PKNOX2: variants seen among roughly 807,000 people sequenced by gnomAD.
PKNOX2 encodes PBX/knotted 1 homeobox 2.
In PKNOX2, 14 loss-of-function variants were observed where a neutral mutation model predicts 53.1. That is an observed-to-expected ratio of 0.26 (90% CI 0.17 to 0.41). The LOEUF is 0.41. Among genes scored for constraint, PKNOX2 ranks in the 10% least tolerant of loss-of-function variants. The pLI is 1.00. For missense variants in PKNOX2, 496 were observed against 602.8 expected (o/e 0.82, Z 1.85); for synonymous variants, 257 against 242.8 (o/e 1.06, Z -0.54).
intron 6 of PKNOX2, among the ~76,000 whole-genome samples, chr11:125,387,002 A>C (rs985142431): frequency 6.6e-6 from 1 of 152,088 alleles, no homozygotes; most frequent in African/African-American, 2.4e-5. Flanking sequence ...GAGAGCCCCA[A>C]AGCCACCTTT....
chr11:125,406,026 C>A (rs1955071986), intron 7 of PKNOX2, among the ~76,000 whole-genome samples: 1 of 152,194 alleles, frequency 6.6e-6, no homozygotes, highest in Non-Finnish European at 1.5e-5. Context: ...AGAACCGTAC[C>A]AAACACTCTT....
At chr11:125,279,220 G>A (rs891816610) in intron 2 of PKNOX2, among the ~76,000 whole-genome samples, 3 of 152,148 alleles carry the variant, frequency 2.0e-5, no homozygotes, top group Admixed American at 6.5e-5. Flanking sequence ...CCTGTGAACC[G>A]CAGTGAGCAA....
At chr11:125,320,019 T>C (rs1413311089) in intron 2 of PKNOX2, among the ~76,000 whole-genome samples, 1 of 152,200 alleles carries the variant, frequency 6.6e-6, no homozygotes, top group Non-Finnish European at 1.5e-5. Context: ...GACCATGTAA[T>C]AGAGTATTTG....
chr11:125,349,837 TCACACACACACACACACACACACACA>T (rs60332384), intron 3 of PKNOX2, among the ~76,000 whole-genome samples: 2 of 138,040 alleles, frequency 1.4e-5, no homozygotes, highest in Admixed American at 1.4e-4. Flanking sequence ...ACCAAAAGAA[TCACACACACACACACACACACACACA>T]CACACACACA....
chr11:125,274,444 C>A (rs1946025383), intron 2 of PKNOX2, among the ~76,000 whole-genome samples: 1 of 152,196 alleles, frequency 6.6e-6, no homozygotes, highest in Non-Finnish European at 1.5e-5. Flanking sequence ...GCGGTGCCAG[C>A]CCCTGTGCAG....
At chr11:125,172,820 G>A (rs541505456) in intron 1 of PKNOX2, among the ~76,000 whole-genome samples, 5 of 152,302 alleles carry the variant, frequency 3.3e-5, no homozygotes, top group African/African-American at 4.8e-5. Flanking sequence ...CTGTGGTATA[G>A]AGTCTTAAGG....
rs190814846 is a variant in PKNOX2 at position 125,166,833 on chromosome 11, C to A, written c.-201+2057C>A. On this transcript the variant is annotated intron_variant, in intron 1 of 12. Coordinates refer to ENST00000298282, the MANE Select transcript of PKNOX2 (RefSeq NM_001382323.2). This position sits in a 1 kb window ranked among gnomAD's most constrained non-coding sequence, Gnocchi z 4.0. The stretch of plus-strand genomic sequence containing the variant: ...TGTCATCTCTCCTGTCCGGAGACTT[C>A]AGGATATTAGCTTTTCGGGTTTCAA... Among the ~76,000 whole-genome samples the A allele has an allele frequency of 2.0e-4, 31 of 152,268 alleles. No homozygotes were observed. The highest frequency in any genetic ancestry group is 7.5e-4 in the African/African-American group (31 of 41,544).
At chr11:125,430,440 C>T (rs1478368327) in intron 12 of PKNOX2, among the ~76,000 whole-genome samples, 1 of 152,204 alleles carries the variant, frequency 6.6e-6, no homozygotes, top group African/African-American at 2.4e-5. Flanking sequence ...CAGTAAGTAT[C>T]TGCACAGCTC....
intron 3 of PKNOX2, among the ~76,000 whole-genome samples, chr11:125,349,380 G>A (rs546847569): frequency 1.3e-5 from 2 of 152,062 alleles, no homozygotes; most frequent in South Asian, 2.1e-4. Context: ...CCCCTCCTGC[G>A]TCCCTTTGCA....
chr11:125,197,108 G>A (rs879704942), intron 1 of PKNOX2, among the ~76,000 whole-genome samples: 7 of 152,170 alleles, frequency 4.6e-5, no homozygotes, highest in African/African-American at 1.2e-4. Flanking sequence ...TGTTGGAGTC[G>A]GCCCCAGCCG....
intron 3 of PKNOX2, among the ~76,000 whole-genome samples, chr11:125,332,992 C>T (rs1236705279): frequency 3.9e-5 from 6 of 152,242 alleles, no homozygotes; most frequent in East Asian, 3.9e-4. Flanking sequence ...TGGCTCCTCG[C>T]GGTGGAAGCT....
rs1211260881 is a variant in PKNOX2, at chr11:125,331,844, GA to G, written c.-101del. The G allele has an allele frequency of 1.3e-5, 2 of 152,302 alleles. No individual in the cohort carries two copies. The highest frequency in any genetic ancestry group is 2.9e-5 in the Non-Finnish European group (2 of 68,106). The allele number at this position is 152,302 out of a possible 1,614,324, so 9.4% of individuals were successfully genotyped here. A position where few individuals can be genotyped will look rare whatever the true frequency, so the allele number is the denominator to read the frequency against. ...GTGCTTTGGCTCTAGCAGACAGGAA[GA>G]AATTCTGGCCCAGCTGGAAGTAGAA... On this transcript the variant is annotated 5_prime_UTR_variant, in exon 3 of 13. An upstream open reading frame in the 5' UTR loses its in-frame stop. Transcript: ENST00000298282.
intron 4 of PKNOX2, 105 bp from the exon 5 acceptor site, chr11:125,367,741 C>A: frequency 1.6e-6 from 2 of 1,252,942 alleles, no homozygotes; most frequent in Non-Finnish European, 2.2e-6. Context: ...TGGCCTCTTG[C>A]TCTCCTCCGG....
Position 125,267,091 on chromosome 11 carries a change from G to A in PKNOX2, c.-130+31976G>A, listed in dbSNP as rs117226919. Reference sequence around the variant, plus strand: ...CTGTTTCCGTCACCAGCCAAAGCACGGACCCTGATCGGTATCTCCATTTGG... The same window carrying A: ...CTGTTTCCGTCACCAGCCAAAGCACAGACCCTGATCGGTATCTCCATTTGG... On this transcript the variant is annotated intron_variant, in intron 2 of 12. Transcript: ENST00000298282. Among the ~76,000 whole-genome samples, 362 of 152,290 alleles carry A rather than the reference G, an allele frequency of 2.4e-3. 1 individual carries two copies. The highest frequency in any genetic ancestry group is 9.5e-3 in the South Asian group (46 of 4,818).
intron 2 of PKNOX2, among the ~76,000 whole-genome samples, chr11:125,264,689 C>G (rs1299313672): frequency 6.6e-6 from 1 of 151,388 alleles, no homozygotes; most frequent in African/African-American, 2.4e-5. Flanking sequence ...CCTTTTACCC[C>G]CATCCCCTGA....
rs576932925 is a variant in PKNOX2 at position 125,190,319 on chromosome 11, C to T, written c.-201+25543C>T. 1.1e-4 allele frequency among the ~76,000 whole-genome samples: 16 copies of T among 152,286 alleles called. 1 individual carries two copies. The highest frequency in any genetic ancestry group is 3.4e-3 in the Middle Eastern group (1 of 294). ...CAGAGGCTGAGGCTGTCCTCCTATC[C>T]GTGCCCAGCATGTCACCGCCTTCCC... On this transcript the variant is annotated intron_variant, in intron 1 of 12. Transcript: ENST00000298282.
At position 125,298,965 on chromosome 11, in the gene PKNOX2, G is replaced by T. The variant is rs538767932; in HGVS notation, c.-129-32854G>T. On this transcript the variant is annotated intron_variant, in intron 2 of 12. Transcript: ENST00000298282. ...TGCATTGCCATCGAGAAGTACCTAA[G>T]GCTGGGTAATTTATAAAGAAAGAGG... 2.9e-4 allele frequency among the ~76,000 whole-genome samples: 44 copies of T among 152,240 alleles called. 1 individual carries two copies. The South Asian group carries it at 9.1e-3, about 32-fold the overall frequency.
chr11:125,175,998 C>T (rs1436242344), intron 1 of PKNOX2, among the ~76,000 whole-genome samples: 12 of 152,316 alleles, frequency 7.9e-5, no homozygotes, highest in Non-Finnish European at 2.9e-5. Context: ...CCTTCTCATA[C>T]TCACTCACAG....
chr11:125,355,224 G>A (rs1359166961), intron 4 of PKNOX2, among the ~76,000 whole-genome samples: 4 of 147,046 alleles, frequency 2.7e-5, no homozygotes, highest in East Asian at 2.0e-4. Context: ...CCAAGATTGC[G>A]CCACTGCACT....
Sources: allele counts gnomAD v4.1 joint callset (sites outside exome capture counted in the v4.1 genomes callset), GRCh38; gene constraint gnomAD v4.1.1; non-coding constraint Gnocchi (gnomAD v3.1); transcripts MANE v1.5; gene names NCBI Gene and HGNC (gene_info 2026-07-23, HGNC 2026-07-21).